SMPD3: variants seen among roughly 807,000 people sequenced by gnomAD.
SMPD3 encodes the protein sphingomyelin phosphodiesterase 3.
A neutral mutation model predicts 55.7 loss-of-function variants in SMPD3; 21 were observed. The ratio of observed to expected loss-of-function variants is 0.38; its 90% CI spans 0.27 to 0.54. The LOEUF (loss-of-function observed/expected upper bound fraction) is 0.54. SMPD3 is among the 20% of genes least tolerant of loss of function. SMPD3 has a pLI of 0.80. For synonymous variants in SMPD3, 457 were observed against 404.3 expected, an observed-to-expected ratio of 1.13 and a Z score of -1.56; for missense variants, 842 against 899.6, an observed-to-expected ratio of 0.94 and a Z score of 0.82.
chr16:68,386,876 G>T (rs1338381066), intron 1 of SMPD3, among the ~76,000 whole-genome samples: 1 of 152,220 alleles, frequency 6.6e-6, no homozygotes, highest in East Asian at 1.9e-4. Context: ...GGGGCCCGAG[G>T]TTTGTGTGAC....
intron 1 of SMPD3, among the ~76,000 whole-genome samples, chr16:68,433,788 AC>A (rs2090498960): frequency 1.3e-5 from 2 of 151,614 alleles, no homozygotes; most frequent in Admixed American, 1.3e-4. Flanking sequence ...TTTTACCCAA[AC>A]CCCATGAATA....
rs746966406 is a variant in SMPD3, at chr16:68,361,603, G to A, written c.1866C>T (p.Ala622=). 7.6e-5 allele frequency: 122 copies of A among 1,606,884 alleles called. No homozygotes were observed. The East Asian group carries it at 2.4e-3, about 32-fold the overall frequency. ...TGGCTGCTGGGCCCTCCTGACTCAC[G>A]GCCTTCCAGTCTGGGCACAGCCCCT... ...AEEGLCPDWK[A]EVEEFSFITQ... is the part of the protein sequence containing the mutation. The change falls in exon 8 of 9, where the codon GCC becomes GCT. Residue 622 remains alanine, a splice_region_variant and synonymous_variant. Coordinates refer to ENST00000219334, the MANE Select transcript of SMPD3 (RefSeq NM_018667.4).
rs1190554965 is a variant in SMPD3, at chr16:68,358,562, T to C, written c.*2644A>G. On this transcript the variant is annotated 3_prime_UTR_variant, in exon 9 of 9. Transcript: ENST00000219334. The stretch of plus-strand genomic sequence containing the variant: ...TACAATACAGAAAAAAATACAGAAA[T>C]TAAAAAAGTTTTTATAACAGTATTT... 2 of 152,580 alleles carry C rather than the reference T, an allele frequency of 1.3e-5. No individual in the cohort carries two copies. Among genetic ancestry groups the C allele is most frequent in the African/African-American group, 4.8e-5 (2 of 41,438 alleles). The allele number at this position is 152,580 out of a possible 1,614,324, so 9.5% of individuals were successfully genotyped here. A position where few individuals can be genotyped will look rare whatever the true frequency, so the allele number is the denominator to read the frequency against.
chr16:68,443,903 C>G (rs1487811563), intron 1 of SMPD3, among the ~76,000 whole-genome samples: 1 of 152,224 alleles, frequency 6.6e-6, no homozygotes, highest in Non-Finnish European at 1.5e-5. Flanking sequence ...TCTTCCCCTT[C>G]TGTGTAACCT....
chr16:68,431,398 A>G (rs1471279156), intron 1 of SMPD3, among the ~76,000 whole-genome samples: 2 of 152,216 alleles, frequency 1.3e-5, no homozygotes, highest in African/African-American at 4.8e-5. Context: ...TTGCAGTCAG[A>G]ATCAGTGCCT....
At chr16:68,396,878 G>A (rs978733496) in intron 1 of SMPD3, among the ~76,000 whole-genome samples, 1 of 152,214 alleles carries the variant, frequency 6.6e-6, no homozygotes, top group Non-Finnish European at 1.5e-5. Context: ...TGTGTGTTGT[G>A]AGTGCCTATA....
rs543985701 is a variant in SMPD3, at chr16:68,411,443, C to A, written c.-268-24784G>T. ...TTGTGGGGCCCAAATGAGCACCTAC[C>A]CATCTTGATTCCTGCTTAGGGCCTC... On this transcript the variant is annotated intron_variant, in intron 1 of 8. Coordinates refer to ENST00000219334, the MANE Select transcript of SMPD3 (RefSeq NM_018667.4). Among the ~76,000 whole-genome samples the A allele has an allele frequency of 1.9e-3, 293 of 152,296 alleles. 2 individuals carry two copies. Among genetic ancestry groups the A allele is most frequent in the African/African-American group, 5.5e-3 (229 of 41,562 alleles).
chr16:68,394,564 G>T (rs535794877), intron 1 of SMPD3, among the ~76,000 whole-genome samples: 9 of 152,128 alleles, frequency 5.9e-5, no homozygotes, highest in East Asian at 1.9e-4. Context: ...TTTATTAGGC[G>T]CCTACTGCAT....
chr16:68,445,116 G>A lies in SMPD3; in HGVS notation c.-269+3237C>T, dbSNP rs190373641. Among the ~76,000 whole-genome samples the A allele has an allele frequency of 9.2e-5, 14 of 152,312 alleles. 1 individual carries two copies. Among genetic ancestry groups the A allele is most frequent in the Admixed American group, 7.8e-4 (12 of 15,300 alleles). Reference sequence around the variant, plus strand: ...CTTCTGTCATTAGGCCTGGAAAGCCGTATTTGCAGCTTTTTGCATTTGGTA... The same window carrying A: ...CTTCTGTCATTAGGCCTGGAAAGCCATATTTGCAGCTTTTTGCATTTGGTA... On this transcript the variant is annotated intron_variant, in intron 1 of 8. Transcript: ENST00000219334.
chr16:68,369,506 AG>A (rs1450193590), intron 3 of SMPD3: 3 of 141,492 alleles, frequency 2.1e-5, no homozygotes, highest in African/African-American at 7.7e-5. Context: ...GGTGGGAGTG[AG>A]GGGTGGGAGT....
chr16:68,417,329 T>C lies in SMPD3; in HGVS notation c.-268-30670A>G, dbSNP rs74024649. On this transcript the variant is annotated intron_variant, in intron 1 of 8. Coordinates refer to ENST00000219334, the MANE Select transcript of SMPD3 (RefSeq NM_018667.4). ...AACTCATCAACAAATTCGCACACAC[T>C]CAGGGAACCCAGGCTATGACAGCTA... Among the ~76,000 whole-genome samples, 303 of 152,154 alleles carry C rather than the reference T, an allele frequency of 2.0e-3. 1 individual carries two copies. Among genetic ancestry groups the C allele is most frequent in the African/African-American group, 7.0e-3 (289 of 41,492 alleles).
intron 1 of SMPD3, among the ~76,000 whole-genome samples, chr16:68,389,638 G>C (rs1378302448): frequency 6.6e-6 from 1 of 152,192 alleles, no homozygotes; most frequent in Non-Finnish European, 1.5e-5. Flanking sequence ...CTGGAGCCTA[G>C]AGGTTTAGTA....
intron 2 of SMPD3, 98 bp from the exon 3 acceptor site, chr16:68,372,485 C>T: frequency 2.1e-6 from 1 of 465,216 alleles, no homozygotes; most frequent in Non-Finnish European, 4.0e-6. Flanking sequence ...CCTGCTTCCC[C>T]TGGTGTGAGT....
At chr16:68,366,887 A>C (rs549930611) in intron 3 of SMPD3, among the ~76,000 whole-genome samples, 1 of 152,308 alleles carries the variant, frequency 6.6e-6, no homozygotes, top group South Asian at 2.1e-4. Context: ...ATGTGCCTGT[A>C]ATCCCAGCTA....
At chr16:68,405,611 G>A (rs939239385) in intron 1 of SMPD3, among the ~76,000 whole-genome samples, 2 of 150,786 alleles carry the variant, frequency 1.3e-5, no homozygotes, top group Non-Finnish European at 3.0e-5. Flanking sequence ...TTGTCTGGGA[G>A]GCCTTGTGTT....
At position 68,372,013 on chromosome 16, in the gene SMPD3, G is replaced by A; in HGVS notation, c.169C>T (p.Leu57=). 1.2e-6 allele frequency: 2 copies of A among 1,611,840 alleles called. No individual in the cohort carries two copies. The highest frequency in any genetic ancestry group is 1.7e-6 in the Non-Finnish European group (2 of 1,179,306). ...GGCGTGAAGAGGGCAGTGCAGAGCA[G>A]CTGCAGGCAGCACGGGTCGTCTGCC... ...QRADDPCCLQ[L]LCTALFTPIY... Residue 57 remains leucine, a synonymous_variant, in exon 3 of 9, where the codon CTG becomes TTG. Transcript: ENST00000219334.
chr16:68,434,889 C>G (rs181214366), intron 1 of SMPD3, among the ~76,000 whole-genome samples: 14 of 152,232 alleles, frequency 9.2e-5, no homozygotes, highest in Admixed American at 4.6e-4. Flanking sequence ...TTTAAAGGCC[C>G]TATGTTGGTT....
intron 1 of SMPD3, among the ~76,000 whole-genome samples, chr16:68,431,755 C>G (rs950823274): frequency 1.3e-5 from 2 of 152,134 alleles, no homozygotes; most frequent in Non-Finnish European, 2.9e-5. Context: ...AAACTTGTCT[C>G]TACTAAAAAT....
intron 1 of SMPD3, among the ~76,000 whole-genome samples, chr16:68,423,300 A>G (rs2090410743): frequency 6.6e-6 from 1 of 152,162 alleles, no homozygotes; most frequent in Non-Finnish European, 1.5e-5. Context: ...TATGGTTTGA[A>G]TGTGTCCCCC....
Sources: allele counts gnomAD v4.1 joint callset (sites outside exome capture counted in the v4.1 genomes callset), GRCh38; gene constraint gnomAD v4.1.1; transcripts MANE v1.5; gene names NCBI Gene and HGNC (gene_info 2026-07-23, HGNC 2026-07-21).